Variants in LETM1 observed in about 807,000 individuals in gnomAD.
LETM1 encodes the protein mitochondrial proton/calcium exchanger protein.
In LETM1, 50 loss-of-function variants were observed where a neutral mutation model predicts 74.5. That is an observed-to-expected ratio of 0.67 (90% confidence interval 0.53 to 0.85). The LOEUF (loss-of-function observed/expected upper bound fraction) is 0.85. LETM1 is among the 40% of genes least tolerant of loss of function. The pLI, the probability that LETM1 is intolerant of heterozygous loss-of-function variation, is 0.00. For missense variants in LETM1, 824 were observed against 967.8 expected, an observed-to-expected ratio of 0.85 and a Z score of 1.97; for synonymous variants, 446 against 407.1, an observed-to-expected ratio of 1.10 and a Z score of -1.15.
At chr4:1,822,950 G>A (rs1372760464) in intron 9 of LETM1, 38 bp downstream of exon 9, 4 of 1,402,940 alleles carry the variant, frequency 2.9e-6, no homozygotes, top group Non-Finnish European at 2.8e-6. Flanking sequence ...GCTGGCTCAG[G>A]ACAGCCCCAC....
At chr4:1,855,018 C>T (rs1038260217) in intron 1 of LETM1, among the ~76,000 whole-genome samples, 1 of 151,650 alleles carries the variant, frequency 6.6e-6, no homozygotes, top group African/African-American at 2.4e-5. Flanking sequence ...AAGACCCTGT[C>T]TCTACAAAAA....
At chr4:1,843,070 C>T (rs1455857821) in intron 2 of LETM1, 2 of 295,098 alleles carry the variant, frequency 6.8e-6, no homozygotes, top group Non-Finnish European at 1.4e-5. Context: ...GCTCTCTGTG[C>T]ATGGCCTGAC....
intron 2 of LETM1, among the ~76,000 whole-genome samples, chr4:1,844,603 C>T (rs936575912): frequency 2.0e-5 from 3 of 152,054 alleles, no homozygotes; most frequent in African/African-American, 4.8e-5. Context: ...TGGTGGCACA[C>T]ACCTGTAATC....
intron 10 of LETM1, among the ~76,000 whole-genome samples, chr4:1,820,128 G>A (rs950614471): frequency 4.6e-5 from 7 of 152,162 alleles, no homozygotes; most frequent in East Asian, 3.9e-4. Flanking sequence ...TAAAGACGGC[G>A]TCTCACTATG....
At chr4:1,822,583 G>A (rs534639152) in intron 9 of LETM1, 17 of 355,886 alleles carry the variant, frequency 4.8e-5, no homozygotes, top group Non-Finnish European at 7.5e-5. Flanking sequence ...AGAGCAGGAG[G>A]CTGAGCCTGT....
intron 2 of LETM1, chr4:1,846,539 A>G (rs780761166): frequency 4.6e-5 from 7 of 152,366 alleles, no homozygotes; most frequent in Admixed American, 6.5e-5. Context: ...TGTTGGGATT[A>G]CAGGTGTGAG....
Position 1,850,768 on chromosome 4 carries a change from C to T in LETM1, c.83-1559G>A, listed in dbSNP as rs1713043825. ...TCACCTGAGGTCAGGAGTTCAAGAC[C>T]AGCCTGGCCCACATGGTGAAACCCC... On this transcript the variant is annotated intron_variant, in intron 1 of 13. Coordinates refer to ENST00000302787, the MANE Select transcript of LETM1 (RefSeq NM_012318.3). 2.0e-5 allele frequency among the ~76,000 whole-genome samples: 3 copies of T among 151,482 alleles called. 1 individual carries two copies. Among genetic ancestry groups the T allele is most frequent in the South Asian group, 4.2e-4 (2 of 4,798 alleles).
Position 1,819,416 on chromosome 4 carries a change from C to G in LETM1, c.1665G>C (p.Leu555=). The G allele has an allele frequency of 6.2e-7, 1 of 1,613,938 alleles. No homozygotes were observed. ...IDILSDACSK[L]QEQKKSLTKE... ...TGGTGAGTGACTTCTTCTGCTCCTG[C>G]AGCTTAGAGCAGGCATCGCTGAGGA... is the stretch of plus-strand genomic sequence containing the variant. Residue 555 remains leucine, a synonymous_variant, in exon 11 of 14, where the codon CTG becomes CTC. Transcript: ENST00000302787.
At chr4:1,844,307 A>G (rs902402691) in intron 2 of LETM1, among the ~76,000 whole-genome samples, 2 of 152,228 alleles carry the variant, frequency 1.3e-5, no homozygotes, top group African/African-American at 4.8e-5. Context: ...GTGAGATTCA[A>G]GTTTGCTGGG....
intron 6 of LETM1, among the ~76,000 whole-genome samples, chr4:1,829,336 C>T (rs1163516755): frequency 2.0e-5 from 3 of 147,614 alleles, no homozygotes; most frequent in African/African-American, 7.7e-5. Flanking sequence ...GGCGGCTGGC[C>T]AGGCGGAGGG....
At chr4:1,817,245 C>CAAA (rs60805612) in intron 11 of LETM1, among the ~76,000 whole-genome samples, 21 of 66,050 alleles carry the variant, frequency 3.2e-4, no homozygotes, top group East Asian at 8.5e-4. Flanking sequence ...ACTCTGTCTC[C>CAAA]AAAAAAAAAA....
intron 2 of LETM1, among the ~76,000 whole-genome samples, chr4:1,848,153 C>T (rs1277596842): frequency 1.3e-5 from 2 of 152,182 alleles, no homozygotes; most frequent in Non-Finnish European, 2.9e-5. Context: ...CCTATAATCC[C>T]AGCACTTTGG....
chr4:1,836,623 G>T lies in LETM1; in HGVS notation c.595-51C>A. Reference sequence around the variant, plus strand: ...GGGAGCAGAGCACATGTGGGAACAAGGGCAAGGGGTGTGAGCATTTCTCCT... The same window carrying T: ...GGGAGCAGAGCACATGTGGGAACAATGGCAAGGGGTGTGAGCATTTCTCCT... On this transcript the variant is annotated intron_variant, in intron 3 of 13. Transcript: ENST00000302787. The surrounding 1 kb of genome is among the most constrained non-coding windows in gnomAD (Gnocchi z 5.8). 2 of 1,596,408 alleles carry T rather than the reference G, an allele frequency of 1.3e-6. No individual in the cohort carries two copies. Among genetic ancestry groups the T allele is most frequent in the East Asian group, 2.2e-5 (1 of 44,670 alleles).
In LETM1 at chr4:1,817,010, C is replaced by T. The variant is rs1163143579; in HGVS notation, c.1744-96G>A. On this transcript the variant is annotated intron_variant, in intron 11 of 13. Transcript: ENST00000302787. Reference sequence around the variant, plus strand: ...CCTGTAATCCCAGTACTTTGCAAGGCCAAGGCGGGCGGATCACCTGAGGTT... The same window carrying T: ...CCTGTAATCCCAGTACTTTGCAAGGTCAAGGCGGGCGGATCACCTGAGGTT... The T allele has an allele frequency of 1.2e-5, 12 of 1,023,292 alleles. No individual in the cohort carries two copies. In the Admixed American group the frequency reaches 2.5e-4, roughly 21 times the overall value. 63.4% of individuals were successfully genotyped at this position (1,023,292 alleles called of 1,614,324 possible). A position where few individuals can be genotyped will look rare whatever the true frequency, so the allele number is the denominator to read the frequency against.
At chr4:1,831,300 TCC>T (rs1374345959) in intron 6 of LETM1, among the ~76,000 whole-genome samples, 1 of 152,218 alleles carries the variant, frequency 6.6e-6, no homozygotes, top group Non-Finnish European at 1.5e-5. Context: ...AAGTGCAGGC[TCC>T]CCATCCAGCC....
chr4:1,828,824 A>G (rs1323776139), intron 6 of LETM1, among the ~76,000 whole-genome samples: 3 of 35,070 alleles, frequency 8.6e-5, no homozygotes, highest in Non-Finnish European at 5.8e-5. Flanking sequence ...GACCCCCCCC[A>G]CCTCCCTCCC....
intron 2 of LETM1, among the ~76,000 whole-genome samples, chr4:1,842,670 A>T (rs1712743522): frequency 6.6e-6 from 1 of 152,194 alleles, no homozygotes; most frequent in South Asian, 2.1e-4. Context: ...CAGCAGTGGG[A>T]GGCTGGCACT....
At chr4:1,835,110 T>C (rs1712418416) in intron 4 of LETM1, 128 bp from the exon 5 acceptor site, 1 of 844,314 alleles carries the variant, frequency 1.2e-6, no homozygotes, top group African/African-American at 1.7e-5. Flanking sequence ...CTCATCTAAG[T>C]GCAATACATT....
chr4:1,819,866 C>T (rs910431918), intron 10 of LETM1, among the ~76,000 whole-genome samples: 1 of 152,204 alleles, frequency 6.6e-6, no homozygotes, highest in Admixed American at 6.5e-5. Flanking sequence ...ATAGACGGAT[C>T]ATCCAGCAAG....
Sources: allele counts gnomAD v4.1 joint callset (sites outside exome capture counted in the v4.1 genomes callset), GRCh38; gene constraint gnomAD v4.1.1; non-coding constraint Gnocchi (gnomAD v3.1); transcripts MANE v1.5; gene names NCBI Gene and HGNC (gene_info 2026-07-23, HGNC 2026-07-21).